The following PALLD variants were observed in gnomAD, a reference collection of about 807,000 sequenced individuals.
PALLD encodes the protein palladin.
PALLD carries 61 observed loss-of-function variants against 123.5 expected under a neutral mutation model. The ratio of observed to expected loss-of-function variants is 0.49; its 90% CI spans 0.40 to 0.61. The LOEUF (loss-of-function observed/expected upper bound fraction) is 0.61. PALLD is among the 20% of genes least tolerant of loss of function. The pLI is 0.00. For synonymous variants in PALLD, 465 were observed against 496.4 expected, an observed-to-expected ratio of 0.94 and a Z score of 0.84; for missense variants, 1,273 against 1,377.0, an observed-to-expected ratio of 0.92 and a Z score of 1.20.
chr4:168,611,891 G>A (rs953867887), intron 2 of PALLD, among the ~76,000 whole-genome samples: 1 of 152,308 alleles, frequency 6.6e-6, no homozygotes, highest in East Asian at 1.9e-4. Flanking sequence ...CAGGCGCCAT[G>A]GCTCATGCCT....
rs765528955 is a variant in PALLD at position 168,668,275 on chromosome 4, G to A, written c.994G>A (p.Ala332Thr). 1 of 1,614,188 alleles carries A rather than the reference G, an allele frequency of 6.2e-7. No individual in the cohort carries two copies. Among genetic ancestry groups the A allele is most frequent in the Admixed American group, 1.7e-5 (1 of 60,026 alleles). ...EGGDLHTLII[A>T]EAFEDDTGRY... ...AGGGGACCTCCATACCCTGATCATAGCAGAGGCCTTTGAGGACGACACAGG... is the reference window on the plus strand; with the variant it reads ...AGGGGACCTCCATACCCTGATCATAACAGAGGCCTTTGAGGACGACACAGG... The change falls in exon 3 of 22, where the codon GCA becomes ACA. Residue 332 changes from alanine (A) to threonine (T), a missense_variant. Around this residue, in one of 2 missense-constraint regions of PALLD, gnomAD observed 944 missense variants for 954.5 expected, o/e 0.99. Transcript: ENST00000505667.
At chr4:168,516,830 C>T (rs1015907534) in intron 2 of PALLD, among the ~76,000 whole-genome samples, 6 of 152,238 alleles carry the variant, frequency 3.9e-5, no homozygotes, top group Non-Finnish European at 7.3e-5. Context: ...GGTAGCCTGG[C>T]AATTTCCAGT....
At chr4:168,562,952 A>G (rs898775681) in intron 2 of PALLD, among the ~76,000 whole-genome samples, 1 of 152,216 alleles carries the variant, frequency 6.6e-6, no homozygotes, top group East Asian at 1.9e-4. Context: ...AGATGAGTGA[A>G]TCCAAACGGA....
intron 2 of PALLD, among the ~76,000 whole-genome samples, chr4:168,619,017 G>A (rs1774489536): frequency 6.6e-6 from 1 of 152,200 alleles, no homozygotes. Context: ...AAAGGATGTG[G>A]ATGCCGAGCC....
At chr4:168,900,306 T>C (rs1214751823) in intron 14 of PALLD, among the ~76,000 whole-genome samples, 3 of 152,148 alleles carry the variant, frequency 2.0e-5, no homozygotes, top group Non-Finnish European at 4.4e-5. Flanking sequence ...AGAGTCATAG[T>C]ACAAGAAACA....
chr4:168,725,824 C>T (rs1478062211), intron 10 of PALLD, among the ~76,000 whole-genome samples: 1 of 152,086 alleles, frequency 6.6e-6, no homozygotes, highest in Admixed American at 6.5e-5. Flanking sequence ...CCACACCCAG[C>T]CTGTTCTCTT....
intron 10 of PALLD, among the ~76,000 whole-genome samples, chr4:168,866,558 A>T (rs1427295054): frequency 6.6e-6 from 1 of 152,186 alleles, no homozygotes; most frequent in Non-Finnish European, 1.5e-5. Flanking sequence ...CTTCCTGTTC[A>T]CATTTTGGAT....
At chr4:168,806,472 C>T (rs1740215277) in intron 10 of PALLD, among the ~76,000 whole-genome samples, 1 of 152,200 alleles carries the variant, frequency 6.6e-6, no homozygotes, top group South Asian at 2.1e-4. Flanking sequence ...TCCACCATGA[C>T]TGTAAGTTTC....
At chr4:168,545,486 A>ATG in intron 2 of PALLD, among the ~76,000 whole-genome samples, 1 of 151,848 alleles carries the variant, frequency 6.6e-6, no homozygotes, top group African/African-American at 2.4e-5. Context: ...CCGAGATTGC[A>ATG]CCACTGCACT....
chr4:168,537,067 C>A (rs561268435), intron 2 of PALLD, among the ~76,000 whole-genome samples: 1 of 152,116 alleles, frequency 6.6e-6, no homozygotes, highest in Non-Finnish European at 1.5e-5. Flanking sequence ...CCTTGTGATC[C>A]GCTGCCTCGG....
At chr4:168,846,762 A>G (rs1746916569) in intron 10 of PALLD, among the ~76,000 whole-genome samples, 3 of 152,184 alleles carry the variant, frequency 2.0e-5, no homozygotes, top group African/African-American at 7.2e-5. Context: ...AGGCTCTCAA[A>G]GTGTGGGTAT....
At chr4:168,699,607 T>A (rs543416563) in intron 8 of PALLD, among the ~76,000 whole-genome samples, 1 of 152,112 alleles carries the variant, frequency 6.6e-6, no homozygotes, top group East Asian at 1.9e-4. Context: ...AGTAATCTTA[T>A]CCTTGCTGCC....
At chr4:168,855,332 AC>A (rs770412234) in intron 10 of PALLD, among the ~76,000 whole-genome samples, 1 of 151,862 alleles carries the variant, frequency 6.6e-6, no homozygotes, top group South Asian at 2.1e-4. Flanking sequence ...CTCGTGATCC[AC>A]CCGCCTCGGC....
intron 10 of PALLD, among the ~76,000 whole-genome samples, chr4:168,887,890 T>C (rs140811925): frequency 2.6e-5 from 4 of 152,130 alleles, no homozygotes; most frequent in African/African-American, 9.6e-5. Context: ...TCAGAAATAT[T>C]ATTTGAGTGT....
At chr4:168,891,768 G>T (rs887631164) in intron 11 of PALLD, among the ~76,000 whole-genome samples, 1 of 151,640 alleles carries the variant, frequency 6.6e-6, no homozygotes, top group South Asian at 2.1e-4. Flanking sequence ...GGAATGGTTT[G>T]TATCTACCCA....
Position 168,927,159 on chromosome 4 carries a change from A to C in PALLD, c.*979A>C. ...TCCACAGAAAGCATCCAAACCACCCAAATGACCAAGGCATATATAGTATTT... is the reference window on the plus strand; with the variant it reads ...TCCACAGAAAGCATCCAAACCACCCCAATGACCAAGGCATATATAGTATTT... On this transcript the variant is annotated 3_prime_UTR_variant, in exon 22 of 22. Transcript: ENST00000505667. 1 of 229,494 alleles carries C rather than the reference A, an allele frequency of 4.4e-6. No individual in the cohort carries two copies. Among genetic ancestry groups the C allele is most frequent in the Non-Finnish European group, 8.7e-6 (1 of 115,362 alleles). 14.2% of individuals were successfully genotyped at this position (229,494 alleles called of 1,614,324 possible). A position where few individuals can be genotyped will look rare whatever the true frequency, so the allele number is the denominator to read the frequency against.
At chr4:168,816,317 C>T (rs190583560) in intron 10 of PALLD, among the ~76,000 whole-genome samples, 190 of 151,464 alleles carry the variant, frequency 1.3e-3, no homozygotes, top group African/African-American at 3.6e-3. Flanking sequence ...GTGTGTTCTT[C>T]GCTTAGGAAC....
chr4:168,686,433 G>A (rs1251971555), intron 6 of PALLD, among the ~76,000 whole-genome samples: 1 of 152,068 alleles, frequency 6.6e-6, no homozygotes, highest in African/African-American at 2.4e-5. Flanking sequence ...GTGTCCATGT[G>A]TTCTCATTGT....
Position 168,831,821 on chromosome 4 carries a change from C to A in PALLD, c.1965-59101C>A, listed in dbSNP as rs558865892. ...AAATTCTTTCCCGTTATTAGCACTT[C>A]TCGATCGTTCCAGGAAAGCCCGATT... On this transcript the variant is annotated intron_variant, in intron 10 of 21. Transcript: ENST00000505667. Among the ~76,000 whole-genome samples, 55 of 152,358 alleles carry A rather than the reference C, an allele frequency of 3.6e-4. No homozygotes were observed. In the South Asian group the frequency reaches 0.011, roughly 31 times the overall value.
Sources: gnomAD v4.1 joint callset for allele counts (sites outside exome capture counted in the v4.1 genomes callset) on GRCh38, gnomAD v4.1.1 for gene constraint, gnomAD v4.1.1 regional missense constraint, MANE v1.5 for transcripts, NCBI Gene and HGNC (gene_info 2026-07-23, HGNC 2026-07-21) for gene names.